The following RIPOR2 variants were observed in gnomAD, a reference collection of about 807,000 sequenced individuals.
RIPOR2 encodes RHO family interacting cell polarization regulator 2.
Under a neutral mutation model 114.5 loss-of-function variants are expected in RIPOR2, and 39 were observed. That is an observed-to-expected ratio of 0.34 (90% CI 0.26 to 0.44). RIPOR2 has a LOEUF of 0.44. RIPOR2 is among the 20% of genes least tolerant of loss of function. RIPOR2 has a pLI of 1.00. For missense variants in RIPOR2, 1,007 were observed against 1,255.1 expected, an observed-to-expected ratio of 0.80 and a Z score of 2.99; for synonymous variants, 445 against 484.4, an observed-to-expected ratio of 0.92 and a Z score of 1.07.
chr6:24,958,706 C>T (rs1773156395), intron 1 of RIPOR2, among the ~76,000 whole-genome samples: 1 of 152,034 alleles, frequency 6.6e-6, no homozygotes, highest in Admixed American at 6.6e-5. Context: ...CTTGGGTATA[C>T]GATGGTTTAT....
intron 1 of RIPOR2, among the ~76,000 whole-genome samples, chr6:24,971,879 T>C (rs372058491): frequency 8.5e-5 from 13 of 152,256 alleles, no homozygotes; most frequent in African/African-American, 3.1e-4. Flanking sequence ...TCTTGCCAAG[T>C]GTCAAATTCT....
chr6:25,021,512 A>G (rs757483157), intron 1 of RIPOR2, among the ~76,000 whole-genome samples: 17 of 152,240 alleles, frequency 1.1e-4, no homozygotes, highest in Non-Finnish European at 2.4e-4. Context: ...ATTGGAGACT[A>G]TTATTCTAAG....
intron 6 of RIPOR2, among the ~76,000 whole-genome samples, chr6:24,867,266 G>T (rs747535149): frequency 1.1e-4 from 17 of 152,180 alleles, no homozygotes; most frequent in Non-Finnish European, 2.2e-4. Context: ...ACATCTTTTG[G>T]TTGATGGTTG....
At chr6:24,828,518 T>A (rs1760387162) in intron 17 of RIPOR2, among the ~76,000 whole-genome samples, 1 of 152,142 alleles carries the variant, frequency 6.6e-6, no homozygotes, top group Non-Finnish European at 1.5e-5. Flanking sequence ...AAGTTGTTTA[T>A]CTTTTATTGT....
At chr6:24,959,722 A>G (rs564958807) in intron 1 of RIPOR2, among the ~76,000 whole-genome samples, 4 of 152,284 alleles carry the variant, frequency 2.6e-5, no homozygotes, top group African/African-American at 7.2e-5. Context: ...GCATACCCCA[A>G]TTAGCCTTTT....
chr6:24,968,038 A>C (rs1773611251), intron 1 of RIPOR2, among the ~76,000 whole-genome samples: 1 of 151,386 alleles, frequency 6.6e-6, no homozygotes, highest in Non-Finnish European at 1.5e-5. Context: ...TCAGCCTCCC[A>C]AGTAGCTGGG....
At chr6:24,859,674 A>G (rs1763856485) in intron 8 of RIPOR2, among the ~76,000 whole-genome samples, 1 of 152,194 alleles carries the variant, frequency 6.6e-6, no homozygotes, top group Non-Finnish European at 1.5e-5. Context: ...GCTGAGGGTC[A>G]AGGTCATTTA....
In RIPOR2 at chr6:25,040,474, G is replaced by C. The variant is rs188151855; in HGVS notation, c.76+1377C>G. Among the ~76,000 whole-genome samples, 3 of 152,132 alleles carry C rather than the reference G, an allele frequency of 2.0e-5. No homozygotes were observed. The East Asian group carries it at 5.8e-4, about 29-fold the overall frequency. ...GCACATAAACCAGGGCTTGGCTACTGGTGGTCCACAGTTGTCACACGTTGC... is the reference window on the plus strand; with the variant it reads ...GCACATAAACCAGGGCTTGGCTACTCGTGGTCCACAGTTGTCACACGTTGC... On this transcript the variant is annotated intron_variant, in intron 1 of 13. Coordinates refer to the RIPOR2 transcript ENST00000510784.
At chr6:25,025,945 T>G (rs546305103) in intron 1 of RIPOR2, among the ~76,000 whole-genome samples, 2 of 152,364 alleles carry the variant, frequency 1.3e-5, no homozygotes, top group African/African-American at 4.8e-5. Flanking sequence ...ATGATTTGTT[T>G]GTGCTTTGAT....
chr6:24,965,220 C>T (rs999825963), intron 1 of RIPOR2, among the ~76,000 whole-genome samples: 1 of 152,042 alleles, frequency 6.6e-6, no homozygotes, highest in Non-Finnish European at 1.5e-5. Flanking sequence ...TTACTGCAGC[C>T]TCCACCTCCC....
intron 1 of RIPOR2, among the ~76,000 whole-genome samples, chr6:24,949,344 C>A (rs1052252096): frequency 6.6e-6 from 1 of 152,176 alleles, no homozygotes; most frequent in African/African-American, 2.4e-5. Context: ...GAAAGTATCA[C>A]GAGGTTGAAG....
chr6:24,941,743 T>C (rs1335699155), intron 1 of RIPOR2, among the ~76,000 whole-genome samples: 1 of 152,162 alleles, frequency 6.6e-6, no homozygotes, highest in African/African-American at 2.4e-5. Context: ...TTTGGCAACA[T>C]TAACTGAGAT....
rs142561133 is a variant in RIPOR2 at position 24,987,003 on chromosome 6, G to A, written c.76+54848C>T. ...GTTGTGCCGCCTTCAAAACCATCCT[G>A]GGCCGTATTGGCCTGAAGGCTATGG... On this transcript the variant is annotated intron_variant, in intron 1 of 13. Transcript: ENST00000510784. Among the ~76,000 whole-genome samples the A allele has an allele frequency of 3.0e-4, 46 of 152,282 alleles. No homozygotes were observed. In the East Asian group the frequency reaches 8.7e-3, roughly 29 times the overall value.
chr6:24,993,901 T>C (rs1240351357), intron 1 of RIPOR2, among the ~76,000 whole-genome samples: 1 of 152,244 alleles, frequency 6.6e-6, no homozygotes, highest in African/African-American at 2.4e-5. Flanking sequence ...TGCTAATGCT[T>C]GCTTTAAATT....
At chr6:24,966,425 C>T (rs1773531833) in intron 1 of RIPOR2, among the ~76,000 whole-genome samples, 1 of 152,160 alleles carries the variant, frequency 6.6e-6, no homozygotes, top group Non-Finnish European at 1.5e-5. Flanking sequence ...TACCTAGCCT[C>T]CCTCCCCAAA....
intron 1 of RIPOR2, among the ~76,000 whole-genome samples, chr6:24,919,143 C>G (rs1031684406): frequency 1.5e-4 from 23 of 152,238 alleles, no homozygotes; most frequent in Non-Finnish European, 3.1e-4. Flanking sequence ...CCCCACTGCC[C>G]CTCTTTCCTT....
At chr6:24,962,032 G>C (rs980325589) in intron 1 of RIPOR2, among the ~76,000 whole-genome samples, 6 of 152,160 alleles carry the variant, frequency 3.9e-5, no homozygotes, top group Non-Finnish European at 7.3e-5. Context: ...CTCACTCTAA[G>C]TCTCCCAGCC....
intron 1 of RIPOR2, among the ~76,000 whole-genome samples, chr6:24,949,551 G>A (rs1772639049): frequency 6.6e-6 from 1 of 152,178 alleles, no homozygotes; most frequent in African/African-American, 2.4e-5. Context: ...AGCTTTCTGG[G>A]GACTCTAAGC....
rs374615240 is a variant in RIPOR2 at position 24,842,975 on chromosome 6, T to C, written c.1744A>G (p.Ser582Gly). ...AGCCCATTAAAAGCATCCTCTAAGC[T>C]TCCATCTAGAAAGGATCTGCAGCCT... ...SEGCRSFLDG[S>G]LEDAFNGLLL... The change falls in exon 13 of 22, where the codon AGC becomes GGC. Residue 582 changes from serine to glycine, a missense_variant. By Grantham distance (56) the Ser-to-Gly change is moderately conservative. Coordinates refer to ENST00000643898, the MANE Select transcript of RIPOR2 (RefSeq NM_001286445.3). 4 of 1,554,228 alleles carry C rather than the reference T, an allele frequency of 2.6e-6. No individual in the cohort carries two copies. The highest frequency in any genetic ancestry group is 3.5e-6 in the Non-Finnish European group (4 of 1,151,106).
Sources: allele counts gnomAD v4.1 joint callset (sites outside exome capture counted in the v4.1 genomes callset), GRCh38; gene constraint gnomAD v4.1.1; transcripts MANE v1.5; gene names NCBI Gene and HGNC (gene_info 2026-07-23, HGNC 2026-07-21).